The following BBS7 variants were observed in gnomAD, a reference collection of about 807,000 sequenced individuals.
The protein encoded by BBS7 is Bardet-Biedl syndrome 7, also known as BBSome complex member BBS7.
Under a neutral mutation model 90.3 loss-of-function variants are expected in BBS7, and 50 were observed. The ratio of observed to expected loss-of-function variants is 0.55; its 90% CI spans 0.44 to 0.70. The LOEUF is 0.70. Ranked by LOEUF, BBS7 falls within the 30% of genes least tolerant of loss-of-function variation. The pLI is 0.00. For missense variants in BBS7, 729 were observed against 838.9 expected (o/e 0.87, Z 1.62); for synonymous variants, 235 against 287.4 (o/e 0.82, Z 1.85).
At chr4:121,860,042 TA>T (rs959351108) in intron 4 of BBS7, among the ~76,000 whole-genome samples, 3 of 152,106 alleles carry the variant, frequency 2.0e-5, no homozygotes, top group African/African-American at 7.2e-5. Flanking sequence ...CAAGTTCTAT[TA>T]AAAAATTTTA....
intron 14 of BBS7, among the ~76,000 whole-genome samples, chr4:121,833,892 CATACTT>C: frequency 6.6e-6 from 1 of 151,914 alleles, no homozygotes. Context: ...AACTACAAAA[CATACTT>C]ATACAAGGAT....
intron 2 of BBS7, among the ~76,000 whole-genome samples, chr4:121,866,780 T>C (rs1189991092): frequency 6.6e-6 from 1 of 152,188 alleles, no homozygotes; most frequent in Non-Finnish European, 1.5e-5. Context: ...CCATTTTATG[T>C]TCTCTGTGTC....
At position 121,824,363 on chromosome 4, in the gene BBS7, G is replaced by T. The variant is rs953974633; in HGVS notation, c.*1497C>A. On this transcript the variant is annotated 3_prime_UTR_variant, in exon 19 of 19. Coordinates refer to ENST00000264499, the MANE Select transcript of BBS7 (RefSeq NM_176824.3). The surrounding 1 kb of genome is among the most constrained non-coding windows in gnomAD (Gnocchi z 4.1). The stretch of plus-strand genomic sequence containing the variant: ...AATAACTACAGTCATATGGTTGTTA[G>T]GATTAAATAATGTGCATAAATTATT... 6.6e-6 allele frequency: 1 copy of T among 152,106 alleles called. No homozygotes were observed. Among genetic ancestry groups the T allele is most frequent in the Non-Finnish European group, 1.5e-5 (1 of 68,024 alleles). 9.4% of individuals were successfully genotyped at this position (152,106 alleles called of 1,614,324 possible). A position where few individuals can be genotyped will look rare whatever the true frequency, so the allele number is the denominator to read the frequency against.
chr4:121,828,587 A>T, intron 16 of BBS7, 32 bp downstream of exon 16: 1 of 1,553,218 alleles, frequency 6.4e-7, no homozygotes, highest in Non-Finnish European at 8.9e-7. Flanking sequence ...CAAAATAAAC[A>T]TCAGAAAGAA....
At chr4:121,840,131 C>T (rs746683475) in intron 12 of BBS7, among the ~76,000 whole-genome samples, 1 of 152,172 alleles carries the variant, frequency 6.6e-6, no homozygotes, top group African/African-American at 2.4e-5. Flanking sequence ...GGGAGGGACT[C>T]AGTGGGAGAT....
intron 4 of BBS7, 31 bp from the exon 5 acceptor site, chr4:121,859,209 A>G (rs761200770): frequency 1.5e-5 from 24 of 1,595,536 alleles, no homozygotes; most frequent in South Asian, 1.3e-4. Context: ...ATTTTTAAAA[A>G]TAAGCACAGG....
Position 121,870,442 on chromosome 4 carries a change from C to T in BBS7, c.-129G>A, listed in dbSNP as rs1022687711. On this transcript the variant is annotated 5_prime_UTR_variant, in exon 1 of 19. Coordinates refer to ENST00000264499, the MANE Select transcript of BBS7 (RefSeq NM_176824.3). ...CAAAAGCCAGCCCCAGCTACCGCGC[C>T]TAGGTCCTGGGCTGCACAGGCGGGG... The T allele has an allele frequency of 3.7e-6, 4 of 1,083,438 alleles. No homozygotes were observed. The African/African-American group carries it at 4.7e-5, about 13-fold the overall frequency. The allele number at this position is 1,083,438 out of a possible 1,614,324, so 67.1% of individuals were successfully genotyped here. A position where few individuals can be genotyped will look rare whatever the true frequency, so the allele number is the denominator to read the frequency against.
At chr4:121,850,629 T>A (rs1726267839) in intron 8 of BBS7, among the ~76,000 whole-genome samples, 1 of 152,246 alleles carries the variant, frequency 6.6e-6, no homozygotes, top group Non-Finnish European at 1.5e-5. Context: ...TATGTTCTAA[T>A]CTATTCTATT....
chr4:121,852,868 T>C, intron 8 of BBS7, 88 bp downstream of exon 8: 1 of 1,335,268 alleles, frequency 7.5e-7, no homozygotes, highest in Non-Finnish European at 1.1e-6. Context: ...GATTTTAATA[T>C]ATTTTCACTT....
rs1482925843 is a variant in BBS7 at position 121,853,003 on chromosome 4, C to G, written c.802G>C (p.Val268Leu). The G allele has an allele frequency of 1.9e-6, 3 of 1,613,806 alleles. No homozygotes were observed. Among genetic ancestry groups the G allele is most frequent in the Non-Finnish European group, 2.5e-6 (3 of 1,179,814 alleles). Residue 268 changes from valine (V) to leucine (L), a missense_variant, in exon 8 of 19, where the codon GTG (valine) becomes CTG (leucine). Val to Leu is a conservative substitution (Grantham distance 32). Coordinates refer to ENST00000264499, the MANE Select transcript of BBS7 (RefSeq NM_176824.3). Reference sequence around the variant, plus strand: ...TCATTTGCATTATCAAAACTATACACTTCCACCATTCCGTCATCTCTCCCA... The same window carrying G: ...TCATTTGCATTATCAAAACTATACAGTTCCACCATTCCGTCATCTCTCCCA... ...LVGRDDGMVE[V>L]YSFDNANEPV...
chr4:121,825,754 A>G lies in BBS7; in HGVS notation c.*106T>C. 8.7e-7 allele frequency: 1 copy of G among 1,146,174 alleles called. No individual in the cohort carries two copies. Among genetic ancestry groups the G allele is most frequent in the Non-Finnish European group, 1.2e-6 (1 of 821,016 alleles). The allele number at this position is 1,146,174 out of a possible 1,614,324, so 71.0% of individuals were successfully genotyped here. ...TTATATCTCAAATATTTTTAGATAT[A>G]AAAAAGCATTTGAAATTAAAGTACA... On this transcript the variant is annotated 3_prime_UTR_variant, in exon 19 of 19. Transcript: ENST00000264499.
Position 121,853,016 on chromosome 4 carries a change from G to A in BBS7, c.789C>T (p.Asp263=), listed in dbSNP as rs140478463. 16 of 1,613,252 alleles carry A rather than the reference G, an allele frequency of 9.9e-6. No homozygotes were observed. The highest frequency in any genetic ancestry group is 6.7e-5 in the East Asian group (3 of 44,842). The change falls in exon 8 of 19, where the codon GAC becomes GAT. Residue 263 remains aspartate, a synonymous_variant. Transcript: ENST00000264499. The stretch of plus-strand genomic sequence containing the variant: ...CAAAACTATACACTTCCACCATTCC[G>A]TCATCTCTCCCAACAAGTAAATCTT... ...GVKDLLVGRD[D]GMVEVYSFDN...
intron 13 of BBS7, among the ~76,000 whole-genome samples, chr4:121,835,772 G>C (rs1198646922): frequency 1.3e-5 from 2 of 152,100 alleles, no homozygotes; most frequent in Admixed American, 6.5e-5. Context: ...AAGAAAAAAA[G>C]CTTTAATATA....
At chr4:121,847,320 T>C in intron 10 of BBS7, 84 bp downstream of exon 10, 1 of 858,562 alleles carries the variant, frequency 1.2e-6, no homozygotes, top group Admixed American at 2.0e-5. Context: ...TCCAATAAAA[T>C]ATACTGCATC....
At chr4:121,837,940 A>C (rs1355160101) in intron 13 of BBS7, among the ~76,000 whole-genome samples, 2 of 152,108 alleles carry the variant, frequency 1.3e-5, no homozygotes, top group African/African-American at 4.8e-5. Flanking sequence ...CCCTGTCTCT[A>C]CTAAAATACA....
At chr4:121,867,492 T>C (rs538900752) in intron 2 of BBS7, among the ~76,000 whole-genome samples, 1 of 152,348 alleles carries the variant, frequency 6.6e-6, no homozygotes, top group African/African-American at 2.4e-5. Flanking sequence ...TGTTTATATA[T>C]CAGGATAAAG....
intron 8 of BBS7, among the ~76,000 whole-genome samples, chr4:121,851,678 TATG>T (rs1444703081): frequency 6.6e-6 from 1 of 152,240 alleles, no homozygotes; most frequent in African/African-American, 2.4e-5. Flanking sequence ...TTTCTCTTTT[TATG>T]ATTCACCCCT....
Position 121,825,736 on chromosome 4 carries a change from T to G in BBS7, c.*124A>C. On this transcript the variant is annotated 3_prime_UTR_variant, in exon 19 of 19. Transcript: ENST00000264499. ...CATTACTTTAAAAAGCCATTATATC[T>G]CAAATATTTTTAGATATAAAAAAGC... is the stretch of plus-strand genomic sequence containing the variant. 1.0e-6 allele frequency: 1 copy of G among 952,622 alleles called. No homozygotes were observed. The highest frequency in any genetic ancestry group is 1.5e-6 in the Non-Finnish European group (1 of 669,760). 59.0% of individuals were successfully genotyped at this position (952,622 alleles called of 1,614,324 possible). A position where few individuals can be genotyped will look rare whatever the true frequency, so the allele number is the denominator to read the frequency against.
chr4:121,842,256 A>G (rs1725779158), intron 12 of BBS7, among the ~76,000 whole-genome samples: 1 of 143,202 alleles, frequency 7.0e-6, no homozygotes, highest in Non-Finnish European at 1.5e-5. Context: ...CATCTCAAAA[A>G]AAAAAAAAAA....
Sources: allele counts gnomAD v4.1 joint callset (sites outside exome capture counted in the v4.1 genomes callset), GRCh38; gene constraint gnomAD v4.1.1; non-coding constraint Gnocchi (gnomAD v3.1); transcripts MANE v1.5; gene names NCBI Gene and HGNC (gene_info 2026-07-23, HGNC 2026-07-21).